The following OXCT1 variants were observed in gnomAD, a reference collection of about 807,000 sequenced individuals.
OXCT1 encodes the protein succinyl-CoA:3-ketoacid coenzyme A transferase 1, mitochondrial.
In OXCT1, 27 loss-of-function variants were observed where a neutral mutation model predicts 69.6. That is an observed-to-expected ratio of 0.39 (90% CI 0.29 to 0.54). The LOEUF is 0.54. Ranked by LOEUF, OXCT1 falls within the 20% of genes least tolerant of loss-of-function variation. The pLI, the probability that OXCT1 is intolerant of heterozygous loss-of-function variation, is 0.72. For synonymous variants in OXCT1, 202 were observed against 217.8 expected, an observed-to-expected ratio of 0.93 and a Z score of 0.64; for missense variants, 437 against 650.2, an observed-to-expected ratio of 0.67 and a Z score of 3.57.
At chr5:41,742,900 C>G (rs976133596) in intron 15 of OXCT1, among the ~76,000 whole-genome samples, 8 of 152,216 alleles carry the variant, frequency 5.3e-5, no homozygotes, top group Admixed American at 1.3e-4. Flanking sequence ...TGGGTTGGTT[C>G]CAAGTCTTTG....
Position 41,731,373 on chromosome 5 carries a change from T to C in OXCT1, c.*356A>G, listed in dbSNP as rs879371701. On this transcript the variant is annotated 3_prime_UTR_variant, in exon 17 of 17. Transcript: ENST00000196371. Reference sequence around the variant, plus strand: ...TATGTTATCTTTCTTTCAGGACTAATAATTAATATTTAAGAGGAAAGCCAC... The same window carrying C: ...TATGTTATCTTTCTTTCAGGACTAACAATTAATATTTAAGAGGAAAGCCAC... 1.8e-5 allele frequency: 19 copies of C among 1,042,394 alleles called. No individual in the cohort carries two copies. The highest frequency in any genetic ancestry group is 2.1e-5 in the Non-Finnish European group (18 of 863,526). The allele number at this position is 1,042,394 out of a possible 1,614,324, so 64.6% of individuals were successfully genotyped here. A position where few individuals can be genotyped will look rare whatever the true frequency, so the allele number is the denominator to read the frequency against.
At chr5:41,810,010 T>G (rs1033535733) in intron 7 of OXCT1, among the ~76,000 whole-genome samples, 1 of 151,790 alleles carries the variant, frequency 6.6e-6, no homozygotes, top group Non-Finnish European at 1.5e-5. Context: ...GCAGAGTTAA[T>G]AGCTAAGAAA....
At chr5:41,825,181 C>T (rs1359748616) in intron 7 of OXCT1, among the ~76,000 whole-genome samples, 1 of 152,146 alleles carries the variant, frequency 6.6e-6, no homozygotes, top group Admixed American at 6.5e-5. Context: ...TGTATATTAT[C>T]ATTAAACTTC....
intron 6 of OXCT1, among the ~76,000 whole-genome samples, chr5:41,842,205 T>C (rs958896085): frequency 2.6e-5 from 4 of 152,204 alleles, no homozygotes; most frequent in African/African-American, 7.2e-5. Flanking sequence ...ATTTTTCAGA[T>C]AGAACCTTTG....
intron 16 of OXCT1, among the ~76,000 whole-genome samples, chr5:41,735,715 C>T (rs927161115): frequency 2.6e-5 from 4 of 152,216 alleles, no homozygotes; most frequent in African/African-American, 4.8e-5. Flanking sequence ...TCTCATATTC[C>T]ATTCCATGTG....
intron 13 of OXCT1, among the ~76,000 whole-genome samples, chr5:41,790,398 G>C (rs1745857309): frequency 6.6e-6 from 1 of 152,230 alleles, no homozygotes; most frequent in African/African-American, 2.4e-5. Flanking sequence ...CAGCGAGCTT[G>C]AAGGAGCCAA....
chr5:41,825,277 A>G (rs1747751659), intron 7 of OXCT1, among the ~76,000 whole-genome samples: 1 of 152,200 alleles, frequency 6.6e-6, no homozygotes, highest in South Asian at 2.1e-4. Flanking sequence ...ACTCAGTGGC[A>G]GAAACACTGT....
At position 41,762,448 on chromosome 5, in the gene OXCT1, A is replaced by G. The variant is rs1744397102; in HGVS notation, c.1249-248T>C. Among the ~76,000 whole-genome samples, 1 of 152,138 alleles carries G rather than the reference A, an allele frequency of 6.6e-6. No homozygotes were observed. The highest frequency in any genetic ancestry group is 2.1e-4 in the South Asian group (1 of 4,836). On this transcript the variant is annotated intron_variant, in intron 13 of 16. Transcript: ENST00000196371. The surrounding 1 kb of genome is among the most constrained non-coding windows in gnomAD (Gnocchi z 4.0). ...ATATGATTTTCTTGACATTTTAGCA[A>G]TAAGACAATCAGTGGATTAAAAAAA...
At chr5:41,750,181 T>G (rs1743711758) in intron 14 of OXCT1, among the ~76,000 whole-genome samples, 2 of 146,642 alleles carry the variant, frequency 1.4e-5, no homozygotes, top group South Asian at 4.5e-4. Context: ...TCTAGGTTTC[T>G]ACACATTTTC....
rs758849678 is a variant in OXCT1, at chr5:41,762,150, C to T, written c.1299G>A (p.Ala433=). The part of the protein sequence containing the change: ...MGGAMDLVSS[A]KTKVVVTMEH... ...CCATGGTGACCACCACTTTGGTTTT[C>T]GCACTGGACACTAAATCCATAGCAC... The change falls in exon 14 of 17, where the codon GCG becomes GCA. Residue 433 remains alanine (A), a synonymous_variant. Coordinates refer to ENST00000196371, the MANE Select transcript of OXCT1 (RefSeq NM_000436.4). The surrounding 1 kb of genome is among the most constrained non-coding windows in gnomAD (Gnocchi z 4.0). 13 of 1,613,160 alleles carry T rather than the reference C, an allele frequency of 8.1e-6. No homozygotes were observed. Among genetic ancestry groups the T allele is most frequent in the Admixed American group, 3.3e-5 (2 of 59,968 alleles).
chr5:41,861,704 C>T (rs1452345643), intron 2 of OXCT1, among the ~76,000 whole-genome samples: 1 of 152,112 alleles, frequency 6.6e-6, no homozygotes, highest in South Asian at 2.1e-4. Context: ...CTATTGTTTT[C>T]CTGCTTTGTA....
chr5:41,760,224 C>T (rs1052779172), intron 14 of OXCT1, among the ~76,000 whole-genome samples: 4 of 152,070 alleles, frequency 2.6e-5, no homozygotes, highest in African/African-American at 9.7e-5. Context: ...AGAAGAGAAA[C>T]TGTTGATTAT....
chr5:41,853,328 C>T (rs1200977270), intron 4 of OXCT1, 91 bp downstream of exon 4: 1 of 1,167,434 alleles, frequency 8.6e-7, no homozygotes, highest in Non-Finnish European at 1.3e-6. Context: ...ATTCCTTCTG[C>T]CTTACCTCTT....
intron 5 of OXCT1, 68 bp from the exon 6 acceptor site, chr5:41,842,849 T>TA: frequency 1.0e-6 from 1 of 1,000,874 alleles, no homozygotes. Context: ...GGCACTCTGA[T>TA]AGAGGTAGAT....
intron 3 of OXCT1, 33 bp downstream of exon 3, chr5:41,861,281 C>T: frequency 1.5e-6 from 2 of 1,320,068 alleles, no homozygotes; most frequent in Non-Finnish European, 2.2e-6. Context: ...TGGCATTTCT[C>T]TCCAGCCAAT....
At chr5:41,854,807 A>G (rs1425132686) in intron 3 of OXCT1, among the ~76,000 whole-genome samples, 3 of 152,210 alleles carry the variant, frequency 2.0e-5, no homozygotes, top group African/African-American at 7.2e-5. Context: ...GATGTGAAAC[A>G]ATCAGAACTC....
At chr5:41,806,300 C>A (rs976899421) in intron 8 of OXCT1, among the ~76,000 whole-genome samples, 6 of 152,054 alleles carry the variant, frequency 3.9e-5, no homozygotes, top group African/African-American at 1.4e-4. Flanking sequence ...TGTTTGATAT[C>A]TACAAGGTAG....
chr5:41,736,741 G>A, intron 16 of OXCT1, among the ~76,000 whole-genome samples: 1 of 152,088 alleles, frequency 6.6e-6, no homozygotes, highest in East Asian at 1.9e-4. Flanking sequence ...TTTTGCACTA[G>A]GATTTTACCT....
chr5:41,834,310 A>G (rs1255443220), intron 7 of OXCT1, among the ~76,000 whole-genome samples: 1 of 152,118 alleles, frequency 6.6e-6, no homozygotes. Flanking sequence ...CTACTTATCA[A>G]TAATAACATT....
Sources: allele counts gnomAD v4.1 joint callset (sites outside exome capture counted in the v4.1 genomes callset), GRCh38; gene constraint gnomAD v4.1.1; non-coding constraint Gnocchi (gnomAD v3.1); transcripts MANE v1.5; gene names NCBI Gene and HGNC (gene_info 2026-07-23, HGNC 2026-07-21).